The following SETD5 variants were observed in gnomAD, a reference collection of about 807,000 sequenced individuals.
SETD5 encodes histone-lysine N-methyltransferase SETD5.
SETD5 carries 44 observed loss-of-function variants against 153.3 expected under a neutral mutation model. That is an observed-to-expected ratio of 0.29 (90% CI 0.23 to 0.37). SETD5 has a LOEUF of 0.37. Among genes scored for constraint, SETD5 ranks in the 10% least tolerant of loss-of-function variants. The pLI is 1.00. For missense variants in SETD5, 1,544 were observed against 1,768.0 expected (o/e 0.87, Z 2.27); for synonymous variants, 716 against 645.2 (o/e 1.11, Z -1.66).
In SETD5 at chr3:9,454,049, A is replaced by G. The variant is rs892007658; in HGVS notation, c.2476+181A>G. The G allele has an allele frequency of 5.4e-6, 3 of 552,668 alleles. No homozygotes were observed. The African/African-American group carries it at 5.8e-5, about 11-fold the overall frequency. The allele number at this position is 552,668 out of a possible 1,614,324, so 34.2% of individuals were successfully genotyped here. A position where few individuals can be genotyped will look rare whatever the true frequency, so the allele number is the denominator to read the frequency against. On this transcript the variant is annotated intron_variant, in intron 17 of 22. Coordinates refer to ENST00000402198, the MANE Select transcript of SETD5 (RefSeq NM_001080517.3). ...GTCAGGGATCAGTTTTCCCAGGACG[A>G]CAAAGAAGGACTAGACAGTGTACAG... is the stretch of plus-strand genomic sequence containing the variant.
chr3:9,476,026 G>T lies in SETD5; in HGVS notation c.4264G>T (p.Val1422Leu). 6.2e-7 allele frequency: 1 copy of T among 1,614,008 alleles called. No homozygotes were observed. The highest frequency in any genetic ancestry group is 1.1e-5 in the South Asian group (1 of 91,078). ...CTACCCACACCGTGGGAGTGGGGGT[G>T]TGCACCAGTACCGACTCCAGCCACT... ...QHYPHRGSGG[V>L]HQYRLQPLQG... Residue 1422 changes from valine (V) to leucine (L), a missense_variant, in exon 23 of 23, where the codon GTG becomes TTG. Around this residue, in one of 9 missense-constraint regions of SETD5, gnomAD observed 302 missense variants for 277.6 expected, o/e 1.09. Coordinates refer to ENST00000402198, the MANE Select transcript of SETD5 (RefSeq NM_001080517.3).
intron 1 of SETD5, among the ~76,000 whole-genome samples, chr3:9,411,977 A>G (rs2125532736): frequency 6.6e-6 from 1 of 152,294 alleles, no homozygotes; most frequent in Non-Finnish European, 1.5e-5. Flanking sequence ...TTAAGGAAGT[A>G]AGTCTCCTTT....
chr3:9,444,350 A>C (rs1415514624), intron 11 of SETD5, among the ~76,000 whole-genome samples: 1 of 152,228 alleles, frequency 6.6e-6, no homozygotes, highest in Non-Finnish European at 1.5e-5. Context: ...TTAATTCATC[A>C]AGGAAAATAA....
chr3:9,475,037 T>C, intron 21 of SETD5, 31 bp from the exon 22 acceptor site: 1 of 1,538,116 alleles, frequency 6.5e-7, no homozygotes, highest in African/African-American at 1.4e-5. Context: ...AGAAGCCAAG[T>C]TGATTTTTTT....
chr3:9,412,953 C>T (rs561845562), intron 1 of SETD5, among the ~76,000 whole-genome samples: 1 of 152,108 alleles, frequency 6.6e-6, no homozygotes, highest in Non-Finnish European at 1.5e-5. Flanking sequence ...GCCTTGAACT[C>T]CTGGCCTCAA....
At chr3:9,426,274 T>C (rs2039232559) in intron 2 of SETD5, 1 of 141,986 alleles carries the variant, frequency 7.0e-6, no homozygotes, top group Admixed American at 7.7e-5. Flanking sequence ...CTCACTTTGT[T>C]GCCCAGGCTG....
Position 9,448,436 on chromosome 3 carries a change from C to T in SETD5, c.2152C>T (p.Pro718Ser), listed in dbSNP as rs1308459824. Residue 718 changes from proline to serine, a missense_variant, in exon 16 of 23, where the codon CCT (proline) becomes TCT (serine). By Grantham distance (74) the Pro-to-Ser change is moderately conservative (BLOSUM62 -1). Around this residue, in one of 9 missense-constraint regions of SETD5, gnomAD observed 782 missense variants for 787.2 expected, o/e 0.99. Coordinates refer to ENST00000402198, the MANE Select transcript of SETD5 (RefSeq NM_001080517.3). Reference protein sequence around the residue: ...LNDKAEKQECPVECPLRITTD... With the variant: ...LNDKAEKQECSVECPLRITTD... ...TGACAAAGCAGAGAAGCAAGAGTGC[C>T]CTGTTGAGTGCCCTTTACGTATCAC... The T allele has an allele frequency of 6.2e-7, 1 of 1,613,910 alleles. No individual in the cohort carries two copies. Among genetic ancestry groups the T allele is most frequent in the Non-Finnish European group, 8.5e-7 (1 of 1,179,880 alleles).
At chr3:9,446,661 T>C (rs116461389) in intron 13 of SETD5, among the ~76,000 whole-genome samples, 3,174 of 152,036 alleles carry the variant, frequency 0.021, 53 homozygotes, top group Middle Eastern at 0.034. Flanking sequence ...CCTGGGTAAT[T>C]TTTTGTATTT....
chr3:9,426,939 A>G (rs1028594249), intron 2 of SETD5, among the ~76,000 whole-genome samples: 1 of 152,130 alleles, frequency 6.6e-6, no homozygotes, highest in African/African-American at 2.4e-5. Flanking sequence ...GCTGGAGTGC[A>G]GTGCATGATT....
chr3:9,435,877 C>G lies in SETD5; in HGVS notation c.538C>G (p.Arg180Gly), dbSNP rs753185558. Residue 180 changes from arginine to glycine, a missense_variant, in exon 7 of 23, where the codon CGT (arginine) becomes GGT (glycine). Around this residue, in one of 9 missense-constraint regions of SETD5, gnomAD observed 251 missense variants for 326.9 expected, o/e 0.77. Coordinates refer to ENST00000402198, the MANE Select transcript of SETD5 (RefSeq NM_001080517.3). ...GCGGAAAAAGAGTCCAGAAAAGGGT[C>G]GTGCAGCACCAAAGACGAAGAAAAT... The part of the protein sequence containing the change: ...KKRKKSPEKG[R>G]AAPKTKKIKN... 1.3e-6 allele frequency: 2 copies of G among 1,592,702 alleles called. No individual in the cohort carries two copies. The highest frequency in any genetic ancestry group is 2.3e-5 in the East Asian group (1 of 44,062).
intron 3 of SETD5, chr3:9,429,982 A>T: frequency 1.6e-6 from 2 of 1,258,264 alleles, no homozygotes; most frequent in Non-Finnish European, 2.1e-6. Flanking sequence ...TGGGCTGGAA[A>T]AATCCTGGTG....
At chr3:9,420,074 T>C (rs986405982) in intron 1 of SETD5, among the ~76,000 whole-genome samples, 12 of 152,192 alleles carry the variant, frequency 7.9e-5, no homozygotes, top group African/African-American at 2.9e-4. Context: ...ATCATCTTTA[T>C]TTGGTACTTA....
intron 1 of SETD5, among the ~76,000 whole-genome samples, chr3:9,408,134 T>A (rs1006009325): frequency 6.6e-6 from 1 of 152,204 alleles, no homozygotes; most frequent in Non-Finnish European, 1.5e-5. Flanking sequence ...TCAATTTGGA[T>A]CATAAATTAT....
intron 2 of SETD5, among the ~76,000 whole-genome samples, chr3:9,425,382 G>T (rs913879269): frequency 1.3e-5 from 2 of 151,942 alleles, no homozygotes; most frequent in African/African-American, 4.8e-5. Context: ...GTTTCTTAAG[G>T]ATTCATCAAC....
intron 14 of SETD5, among the ~76,000 whole-genome samples, 178 bp downstream of exon 14, chr3:9,447,485 A>G (rs999567809): frequency 4.6e-5 from 7 of 152,218 alleles, no homozygotes; most frequent in African/African-American, 1.7e-4. Context: ...CTTATTAGAA[A>G]TAACGCAAAC....
At chr3:9,459,622 A>G (rs937078650) in intron 17 of SETD5, among the ~76,000 whole-genome samples, 1 of 150,434 alleles carries the variant, frequency 6.6e-6, no homozygotes, top group Non-Finnish European at 1.5e-5. Flanking sequence ...TACAACAACA[A>G]CAACAAAAAA....
Position 9,434,659 on chromosome 3 carries a change from A to C in SETD5, c.330-165A>C. The C allele has an allele frequency of 6.8e-7, 1 of 1,468,338 alleles. No individual in the cohort carries two copies. The highest frequency in any genetic ancestry group is 9.0e-7 in the Non-Finnish European group (1 of 1,110,278). 91.0% of individuals were successfully genotyped at this position (1,468,338 alleles called of 1,614,324 possible). A position where few individuals can be genotyped will look rare whatever the true frequency, so the allele number is the denominator to read the frequency against. On this transcript the variant is annotated intron_variant, in intron 5 of 22. Coordinates refer to ENST00000402198, the MANE Select transcript of SETD5 (RefSeq NM_001080517.3). This position sits in a 1 kb window ranked among gnomAD's most constrained non-coding sequence, Gnocchi z 5.6. Reference sequence around the variant, plus strand: ...AGAATTGCTGACAACAAGGAATGAGAGATTGATGTTAAAGCTATTGAATTT... The same window carrying C: ...AGAATTGCTGACAACAAGGAATGAGCGATTGATGTTAAAGCTATTGAATTT...
chr3:9,433,819 A>G, intron 3 of SETD5, 26 bp from the exon 4 acceptor site: 1 of 1,604,704 alleles, frequency 6.2e-7, no homozygotes, highest in Non-Finnish European at 8.5e-7. Context: ...TTATGCTATC[A>G]TGCATTGCTT....
intron 17 of SETD5, among the ~76,000 whole-genome samples, chr3:9,462,781 C>T (rs1047279475): frequency 6.6e-6 from 1 of 151,884 alleles, no homozygotes; most frequent in African/African-American, 2.4e-5. Context: ...AGCAAGAATA[C>T]CTGTTTTGTC....
Sources: allele counts gnomAD v4.1 joint callset (sites outside exome capture counted in the v4.1 genomes callset), GRCh38; gene constraint gnomAD v4.1.1; regional missense constraint gnomAD v4.1.1; non-coding constraint Gnocchi (gnomAD v3.1); transcripts MANE v1.5; gene names NCBI Gene and HGNC (gene_info 2026-07-23, HGNC 2026-07-21).